KLHL1: variants seen among roughly 807,000 people sequenced by gnomAD.
The protein encoded by KLHL1 is kelch-like protein 1.
In KLHL1, 47 loss-of-function variants were observed where a neutral mutation model predicts 77.7. That is an observed-to-expected ratio of 0.60 (90% CI 0.48 to 0.77). The LOEUF (loss-of-function observed/expected upper bound fraction) is 0.77, where lower values mean the gene tolerates loss of function less well. KLHL1 is among the 30% of genes least tolerant of loss of function. KLHL1 has a pLI of 0.00. For missense variants in KLHL1, 925 were observed against 910.8 expected, an observed-to-expected ratio of 1.02 and a Z score of -0.20; for synonymous variants, 360 against 325.2, an observed-to-expected ratio of 1.11 and a Z score of -1.15.
At chr13:70,019,203 GGCA>G (rs1479303273) in intron 1 of KLHL1, among the ~76,000 whole-genome samples, 1 of 152,132 alleles carries the variant, frequency 6.6e-6, no homozygotes, top group Non-Finnish European at 1.5e-5. Flanking sequence ...TGTGTTATGA[GGCA>G]GCAGAAGTGT....
chr13:69,903,162 T>C (rs1881928862), intron 4 of KLHL1, among the ~76,000 whole-genome samples: 1 of 152,160 alleles, frequency 6.6e-6, no homozygotes, highest in African/African-American at 2.4e-5. Context: ...TCATGTACTC[T>C]AAGTTCTCAG....
intron 1 of KLHL1, among the ~76,000 whole-genome samples, chr13:70,054,385 TTA>T (rs1415527829): frequency 6.6e-6 from 1 of 152,118 alleles, no homozygotes; most frequent in African/African-American, 2.4e-5. Flanking sequence ...TAGAGGTTTT[TTA>T]TGTCTGTGAG....
At position 69,725,871 on chromosome 13, in the gene KLHL1, T is replaced by C. The variant is rs181858472; in HGVS notation, c.1803-6290A>G. Among the ~76,000 whole-genome samples, 10 of 151,948 alleles carry C rather than the reference T, an allele frequency of 6.6e-5. No individual in the cohort carries two copies. In the East Asian group the frequency reaches 1.9e-3, roughly 30 times the overall value. ...GCATCAGAAGAAAGAGCTAGTGCCATAGCACTAGATCTTTTCTAGCCCTAT... is the reference window on the plus strand; with the variant it reads ...GCATCAGAAGAAAGAGCTAGTGCCACAGCACTAGATCTTTTCTAGCCCTAT... On this transcript the variant is annotated intron_variant, in intron 8 of 10. Coordinates refer to ENST00000377844, the MANE Select transcript of KLHL1 (RefSeq NM_020866.3).
At chr13:69,888,827 A>AAACT (rs1881317461) in intron 4 of KLHL1, among the ~76,000 whole-genome samples, 1 of 152,106 alleles carries the variant, frequency 6.6e-6, no homozygotes, top group Non-Finnish European at 1.5e-5. Flanking sequence ...AATTTTAAAA[A>AAACT]AACTTACTTT....
At chr13:69,761,373 C>CA (rs2137965543) in intron 7 of KLHL1, among the ~76,000 whole-genome samples, 1 of 152,042 alleles carries the variant, frequency 6.6e-6, no homozygotes, top group East Asian at 1.9e-4. Context: ...TTTATTAATA[C>CA]AAAAATAGGC....
intron 6 of KLHL1, among the ~76,000 whole-genome samples, chr13:69,801,579 A>C (rs189759962): frequency 7.9e-5 from 12 of 152,282 alleles, no homozygotes; most frequent in Admixed American, 2.0e-4. Context: ...ATAATTTAAT[A>C]AAATCTAAAA....
chr13:70,021,927 A>G (rs564719638), intron 1 of KLHL1, among the ~76,000 whole-genome samples: 12 of 152,070 alleles, frequency 7.9e-5, no homozygotes, highest in Non-Finnish European at 1.6e-4. Flanking sequence ...CAAGTAGTTT[A>G]TCCCAGTCTG....
At chr13:70,002,401 G>A (rs1885315053) in intron 1 of KLHL1, among the ~76,000 whole-genome samples, 1 of 150,940 alleles carries the variant, frequency 6.6e-6, no homozygotes, top group Non-Finnish European at 1.5e-5. Flanking sequence ...GTAAGGGCCA[G>A]GAAAAAATAG....
chr13:69,956,073 GAT>G (rs1197631255), intron 3 of KLHL1, among the ~76,000 whole-genome samples: 139 of 119,982 alleles, frequency 1.2e-3, no homozygotes, highest in Non-Finnish European at 1.9e-3. Context: ...ATATTTATTT[GAT>G]ATATATATTT....
intron 1 of KLHL1, among the ~76,000 whole-genome samples, chr13:69,997,177 C>T (rs868013876): frequency 2.9e-4 from 44 of 151,504 alleles, no homozygotes; most frequent in Non-Finnish European, 3.2e-4. Flanking sequence ...GCCAATATCA[C>T]GCCACTGCAC....
intron 1 of KLHL1, among the ~76,000 whole-genome samples, chr13:70,031,640 G>A (rs1411755683): frequency 6.6e-6 from 1 of 152,150 alleles, no homozygotes; most frequent in East Asian, 1.9e-4. Context: ...GAGGTAACAG[G>A]ATCCTGAGCA....
intron 7 of KLHL1, among the ~76,000 whole-genome samples, chr13:69,777,957 T>C (rs1472538789): frequency 6.6e-6 from 1 of 152,024 alleles, no homozygotes; most frequent in Admixed American, 6.6e-5. Flanking sequence ...TGTTCCTCAT[T>C]TTTAACTTGA....
chr13:70,028,954 C>T (rs1430924640), intron 1 of KLHL1, among the ~76,000 whole-genome samples: 1 of 146,644 alleles, frequency 6.8e-6, no homozygotes, highest in Non-Finnish European at 1.5e-5. Flanking sequence ...TGCATTCCAG[C>T]TTGGATGACA....
intron 1 of KLHL1, among the ~76,000 whole-genome samples, chr13:70,077,466 T>C (rs1887292434): frequency 6.6e-6 from 1 of 151,464 alleles, no homozygotes; most frequent in Non-Finnish European, 1.5e-5. Context: ...GAATAATGAA[T>C]ATGTGGGGCA....
chr13:70,062,152 A>G (rs1886906037), intron 1 of KLHL1, among the ~76,000 whole-genome samples: 1 of 152,116 alleles, frequency 6.6e-6, no homozygotes, highest in Non-Finnish European at 1.5e-5. Context: ...CTACAATACA[A>G]TGGGAAGCAC....
At chr13:69,956,026 TTA>T (rs1462287928) in intron 3 of KLHL1, among the ~76,000 whole-genome samples, 5 of 97,774 alleles carry the variant, frequency 5.1e-5, no homozygotes, top group East Asian at 6.2e-4. Context: ...TGATATATAT[TTA>T]TATATATTTA....
intron 7 of KLHL1, among the ~76,000 whole-genome samples, chr13:69,782,858 G>C (rs1222904270): frequency 6.6e-6 from 1 of 152,214 alleles, no homozygotes; most frequent in Non-Finnish European, 1.5e-5. Flanking sequence ...TGAGCAGACT[G>C]CCTCCTCAAG....
intron 1 of KLHL1, among the ~76,000 whole-genome samples, chr13:70,006,791 G>T (rs574788539): frequency 6.6e-6 from 1 of 152,032 alleles, no homozygotes; most frequent in South Asian, 2.1e-4. Context: ...TATGCTAGAA[G>T]AATAATAGCT....
intron 6 of KLHL1, among the ~76,000 whole-genome samples, chr13:69,821,002 G>C (rs1878312909): frequency 6.6e-6 from 1 of 152,212 alleles, no homozygotes; most frequent in Admixed American, 6.5e-5. Flanking sequence ...GCAACCACGT[G>C]ACCACTGTAG....
Sources: allele counts gnomAD v4.1 joint callset (sites outside exome capture counted in the v4.1 genomes callset), GRCh38; gene constraint gnomAD v4.1.1; transcripts MANE v1.5; gene names NCBI Gene and HGNC (gene_info 2026-07-23, HGNC 2026-07-21).